The following OR3A2 variants were observed in gnomAD, a reference collection of about 807,000 sequenced individuals.
OR3A2 encodes olfactory receptor 3A2.
For missense variants in OR3A2, 318 were observed against 392.8 expected, an observed-to-expected ratio of 0.81 and a Z score of 1.61; for synonymous variants, 126 against 159.3, an observed-to-expected ratio of 0.79 and a Z score of 1.57.
chr17:3,330,845 T>A (rs1256165374), intron 3 of OR3A2, among the ~76,000 whole-genome samples: 1 of 152,152 alleles, frequency 6.6e-6, no homozygotes, highest in Non-Finnish European at 1.5e-5. Context: ...TTGCAGCAGC[T>A]GGTACCGGTT....
chr17:3,328,368 T>C (rs2049195561), intron 3 of OR3A2, among the ~76,000 whole-genome samples: 1 of 69,268 alleles, frequency 1.4e-5, no homozygotes, highest in East Asian at 3.5e-4. Flanking sequence ...TGTCTGTTGT[T>C]GGTGTATAAG....
chr17:3,313,184 A>G (rs9901037), intron 3 of OR3A2, among the ~76,000 whole-genome samples: 23,047 of 152,198 alleles, frequency 0.15, 2,327 homozygotes, highest in African/African-American at 0.28. Flanking sequence ...CTTATTCTGT[A>G]AATCCTTCAG....
At chr17:3,370,706 G>T (rs981349931) in intron 2 of OR3A2, among the ~76,000 whole-genome samples, 1 of 151,504 alleles carries the variant, frequency 6.6e-6, no homozygotes, top group South Asian at 2.1e-4. Flanking sequence ...GGACAATAGT[G>T]GAGGGAAGGT....
chr17:3,384,138 A>G (rs771409801), intron 1 of OR3A2, among the ~76,000 whole-genome samples: 9 of 152,210 alleles, frequency 5.9e-5, no homozygotes, highest in South Asian at 4.1e-4. Flanking sequence ...CCAGGATTTC[A>G]CCAAAGCCTG....
intron 2 of OR3A2, among the ~76,000 whole-genome samples, chr17:3,360,562 A>C (rs1488981640): frequency 2.2e-4 from 33 of 151,908 alleles, no homozygotes; most frequent in Non-Finnish European, 4.4e-5. Flanking sequence ...TCTAACATTT[A>C]AATCTTTAAT....
intron 3 of OR3A2, among the ~76,000 whole-genome samples, chr17:3,297,289 T>C (rs1180627926): frequency 2.0e-5 from 3 of 152,220 alleles, no homozygotes; most frequent in Admixed American, 2.0e-4. Flanking sequence ...TTGACATATC[T>C]ATAGGAGCAG....
intron 3 of OR3A2, chr17:3,310,815 C>T (rs187221397): frequency 2.3e-6 from 2 of 880,748 alleles, no homozygotes; most frequent in Admixed American, 3.8e-5. Context: ...CCTGTCTCCT[C>T]TTAACTTCTG....
chr17:3,323,155 T>C (rs2049139578), intron 3 of OR3A2, among the ~76,000 whole-genome samples: 1 of 152,154 alleles, frequency 6.6e-6, no homozygotes, highest in Non-Finnish European at 1.5e-5. Context: ...TTTGTTGGTT[T>C]AAAGTCTGTT....
At chr17:3,309,193 A>G (rs907310903) in intron 3 of OR3A2, among the ~76,000 whole-genome samples, 2 of 152,182 alleles carry the variant, frequency 1.3e-5, no homozygotes, top group African/African-American at 4.8e-5. Context: ...GGTGTGAGTC[A>G]CCACGCCCGG....
At chr17:3,320,484 T>A (rs545341846) in intron 3 of OR3A2, among the ~76,000 whole-genome samples, 1 of 122,520 alleles carries the variant, frequency 8.2e-6, no homozygotes, top group Non-Finnish European at 1.8e-5. Flanking sequence ...ATTGCATAGG[T>A]TTTCTTCTAG....
At chr17:3,310,756 G>A (rs1567550359) in intron 3 of OR3A2, 8 of 559,456 alleles carry the variant, frequency 1.4e-5, no homozygotes, top group Non-Finnish European at 2.2e-5. Context: ...GCCCTGGTGG[G>A]CATGTCATGT....
chr17:3,365,774 A>C (rs2150661637), intron 2 of OR3A2, among the ~76,000 whole-genome samples: 1 of 152,352 alleles, frequency 6.6e-6, no homozygotes. Flanking sequence ...CTGCAGAGGA[A>C]GCTGAAAAAT....
chr17:3,357,930 C>G lies in OR3A2; in HGVS notation c.-178-21804G>C, dbSNP rs80145557. On this transcript the variant is annotated intron_variant, in intron 2 of 4. Coordinates refer to the OR3A2 transcript ENST00000573491. Reference sequence around the variant, plus strand: ...ATAAAAGCATCAGAAACCTAATAGGCTAGTGAGGCCTTGCCTGGCAGAGAT... The same window carrying G: ...ATAAAAGCATCAGAAACCTAATAGGGTAGTGAGGCCTTGCCTGGCAGAGAT... 2.2e-4 allele frequency among the ~76,000 whole-genome samples: 34 copies of G among 151,670 alleles called. 1 individual carries two copies. The highest frequency in any genetic ancestry group is 8.0e-4 in the African/African-American group (33 of 41,026).
At chr17:3,314,275 T>C (rs971169751) in intron 3 of OR3A2, among the ~76,000 whole-genome samples, 3 of 152,162 alleles carry the variant, frequency 2.0e-5, no homozygotes, top group African/African-American at 7.2e-5. Context: ...CAGAGAGAAG[T>C]GTAATAATAA....
intron 3 of OR3A2, among the ~76,000 whole-genome samples, chr17:3,327,023 T>A (rs1260518734): frequency 1.2e-5 from 1 of 83,108 alleles, no homozygotes; most frequent in Non-Finnish European, 2.1e-5. Context: ...TACGTGTGCA[T>A]GTGTCTTTAT....
At chr17:3,302,489 A>G (rs2048973093) in intron 3 of OR3A2, among the ~76,000 whole-genome samples, 1 of 152,168 alleles carries the variant, frequency 6.6e-6, no homozygotes, top group African/African-American at 2.4e-5. Context: ...AACATTCCCT[A>G]TTTAATAAAT....
At chr17:3,371,759 C>A in intron 2 of OR3A2, among the ~76,000 whole-genome samples, 1 of 142,706 alleles carries the variant, frequency 7.0e-6, no homozygotes, top group Middle Eastern at 4.3e-3. Context: ...CCTCACTTCC[C>A]AGTAGGGGCG....
exon 2 of OR3A2, chr17:3,278,130 A>G: frequency 1.2e-6 from 2 of 1,614,220 alleles, no homozygotes; most frequent in Non-Finnish European, 1.7e-6. Context: ...ACCCAGTCTC[A>G]TGTAGTTGAA....
intron 2 of OR3A2, among the ~76,000 whole-genome samples, chr17:3,347,066 T>C (rs927922106): frequency 2.0e-5 from 3 of 152,166 alleles, no homozygotes; most frequent in African/African-American, 7.2e-5. Flanking sequence ...GCAGCGAGAC[T>C]GCTGGATCAT....
Sources: allele counts gnomAD v4.1 joint callset (sites outside exome capture counted in the v4.1 genomes callset), GRCh38; gene constraint gnomAD v4.1.1; transcripts MANE v1.5; gene names NCBI Gene and HGNC (gene_info 2026-07-23, HGNC 2026-07-21).